The following DGKI variants were observed in gnomAD, a reference collection of about 807,000 sequenced individuals.
DGKI encodes the protein DAG kinase iota.
A neutral mutation model predicts 147.5 loss-of-function variants in DGKI; 55 were observed. The ratio of observed to expected loss-of-function variants is 0.37; its 90% confidence interval spans 0.30 to 0.47. The LOEUF is 0.47. Ranked by LOEUF, DGKI falls within the 20% of genes least tolerant of loss-of-function variation. The probability of loss-of-function intolerance (pLI) is 1.00; values close to 1 mark genes in which losing one functional copy is unlikely to be tolerated. For synonymous variants in DGKI, 469 were observed against 477.1 expected, an observed-to-expected ratio of 0.98 and a Z score of 0.22; for missense variants, 1,007 against 1,323.8, an observed-to-expected ratio of 0.76 and a Z score of 3.71.
chr7:137,614,055 T>G (rs1177216317), intron 8 of DGKI, among the ~76,000 whole-genome samples: 1 of 152,186 alleles, frequency 6.6e-6, no homozygotes, highest in East Asian at 1.9e-4. Context: ...GGGAGCATAT[T>G]TATATATTAC....
In DGKI at chr7:137,572,799, T is replaced by G; in HGVS notation, c.1801A>C (p.Lys601Gln). 1 of 1,612,336 alleles carries G rather than the reference T, an allele frequency of 6.2e-7. No individual in the cohort carries two copies. The change falls in exon 18 of 33, where the codon AAG becomes CAG. Residue 601 changes from lysine to glutamine, a missense_variant. Physicochemically the swap from Lys to Gln is moderately conservative, Grantham distance 53 (BLOSUM62 1). Transcript: ENST00000614521. ...TDLTPKIQEL[K>Q]FQCIVFLNIP... ...TTTAAAAATACTATACACTGGAACT[T>G]CAGTTCCTGAATCTTTGGGGTGAGA... is the stretch of plus-strand genomic sequence containing the variant.
chr7:137,478,811 C>T (rs995198405), intron 23 of DGKI, among the ~76,000 whole-genome samples: 2 of 152,150 alleles, frequency 1.3e-5, no homozygotes, highest in Non-Finnish European at 2.9e-5. Context: ...GCGATGTTCT[C>T]ATCACTACAC....
chr7:137,693,537 C>T (rs1823682004), intron 1 of DGKI, among the ~76,000 whole-genome samples: 1 of 152,174 alleles, frequency 6.6e-6, no homozygotes, highest in African/African-American at 2.4e-5. Context: ...AGCCATTATA[C>T]ATTTTAAGTA....
At chr7:137,569,525 G>A (rs865795968) in intron 19 of DGKI, among the ~76,000 whole-genome samples, 8 of 151,612 alleles carry the variant, frequency 5.3e-5, no homozygotes, top group Middle Eastern at 3.4e-3. Flanking sequence ...TCAGGAGATC[G>A]AGACCATCCT....
At chr7:137,407,603 A>G (rs1812004941) in intron 30 of DGKI, among the ~76,000 whole-genome samples, 1 of 152,088 alleles carries the variant, frequency 6.6e-6, no homozygotes. Flanking sequence ...TTTGTCCTCT[A>G]TTTAAAAAAA....
intron 32 of DGKI, among the ~76,000 whole-genome samples, chr7:137,393,198 T>C (rs1275386490): frequency 6.8e-6 from 1 of 146,452 alleles, no homozygotes; most frequent in Non-Finnish European, 1.5e-5. Context: ...TGTGAGGGGT[T>C]TATAATTATA....
chr7:137,649,773 G>A lies in DGKI; in HGVS notation c.739-4236C>T, dbSNP rs1016803319. On this transcript the variant is annotated intron_variant, in intron 5 of 32. Coordinates refer to ENST00000614521, the MANE Select transcript of DGKI (RefSeq NM_001321708.2). ...GAAATAAAAAATTTTATATATATAT[G>A]TATATATATATATATATATTTCATA... 5.6e-5 allele frequency among the ~76,000 whole-genome samples: 8 copies of A among 142,060 alleles called. No homozygotes were observed. In the East Asian group the frequency reaches 8.1e-4, roughly 14 times the overall value. The allele number at this position is 142,060 out of a possible 152,430, so 93.2% of individuals were successfully genotyped here. A position where few individuals can be genotyped will look rare whatever the true frequency, so the allele number is the denominator to read the frequency against.
chr7:137,781,355 G>T (rs1473751423), intron 1 of DGKI, among the ~76,000 whole-genome samples: 1 of 152,150 alleles, frequency 6.6e-6, no homozygotes, highest in Non-Finnish European at 1.5e-5. Context: ...TTTGGGCAAA[G>T]AATACACAAA....
intron 1 of DGKI, among the ~76,000 whole-genome samples, chr7:137,798,031 T>C (rs1797086126): frequency 6.6e-6 from 1 of 152,090 alleles, no homozygotes; most frequent in African/African-American, 2.4e-5. Flanking sequence ...TCAGTACTGA[T>C]CTTACTGAAA....
chr7:137,818,347 C>A (rs1164757118), intron 1 of DGKI, among the ~76,000 whole-genome samples: 3 of 152,174 alleles, frequency 2.0e-5, no homozygotes, highest in Non-Finnish European at 4.4e-5. Context: ...CTCAAGTGGA[C>A]CATTAAGCTT....
At chr7:137,771,321 C>A (rs1240904405) in intron 1 of DGKI, among the ~76,000 whole-genome samples, 1 of 152,076 alleles carries the variant, frequency 6.6e-6, no homozygotes, top group Non-Finnish European at 1.5e-5. Context: ...AAACTCCGGA[C>A]CTCAGGTGAT....
At position 137,632,858 on chromosome 7, in the gene DGKI, CAAAT is replaced by C. The variant is rs538444514; in HGVS notation, c.805-9308_805-9305del. 2.6e-4 allele frequency among the ~76,000 whole-genome samples: 38 copies of C among 146,906 alleles called. 1 individual carries two copies. The South Asian group carries it at 5.1e-3, about 20-fold the overall frequency. On this transcript the variant is annotated intron_variant, in intron 6 of 32. Coordinates refer to ENST00000614521, the MANE Select transcript of DGKI (RefSeq NM_001321708.2). Reference sequence around the variant, plus strand: ...TGGGTGACAAAACAAGACTCTGTCTCAAATAAATAAACAAACAAACAAACAAACA... The same window carrying C: ...TGGGTGACAAAACAAGACTCTGTCTCAAATAAACAAACAAACAAACAAACA...
intron 1 of DGKI, among the ~76,000 whole-genome samples, chr7:137,820,882 GT>G (rs1278902558): frequency 6.6e-6 from 1 of 152,170 alleles, no homozygotes; most frequent in South Asian, 2.1e-4. Flanking sequence ...TTGCTAAAGG[GT>G]GAGGAGTCTC....
chr7:137,469,530 G>T lies in DGKI; in HGVS notation c.2443+20C>A. 4 of 1,612,810 alleles carry T rather than the reference G, an allele frequency of 2.5e-6. No individual in the cohort carries two copies. Among genetic ancestry groups the T allele is most frequent in the Non-Finnish European group, 3.4e-6 (4 of 1,179,154 alleles). On this transcript the variant is annotated intron_variant, in intron 24 of 32. Transcript: ENST00000614521. ...AACTTCCCCAACTCCCACGATACCC[G>T]CAAGAAAGGCAGAACTCACCATCTA...
intron 27 of DGKI, among the ~76,000 whole-genome samples, chr7:137,459,344 G>A (rs1814327626): frequency 6.6e-6 from 1 of 151,972 alleles, no homozygotes; most frequent in African/African-American, 2.4e-5. Context: ...TGCCCTGGGT[G>A]CCTTGGAGGA....
chr7:137,652,304 C>A (rs1585330489), intron 5 of DGKI, among the ~76,000 whole-genome samples: 1 of 152,084 alleles, frequency 6.6e-6, no homozygotes, highest in African/African-American at 2.4e-5. Context: ...CTAATGAAAA[C>A]CAAAAGCATC....
At chr7:137,835,468 A>T (rs1203353676) in intron 1 of DGKI, among the ~76,000 whole-genome samples, 2 of 152,166 alleles carry the variant, frequency 1.3e-5, no homozygotes, top group Non-Finnish European at 2.9e-5. Flanking sequence ...TAAAAATGAA[A>T]TACTATTCTT....
chr7:137,625,285 C>G (rs1035051135), intron 6 of DGKI, among the ~76,000 whole-genome samples: 3 of 151,434 alleles, frequency 2.0e-5, no homozygotes, highest in African/African-American at 4.9e-5. Flanking sequence ...CATGGGGAAA[C>G]CCCGTCTGTA....
At chr7:137,409,087 A>G (rs1323909277) in intron 29 of DGKI, among the ~76,000 whole-genome samples, 1 of 152,210 alleles carries the variant, frequency 6.6e-6, no homozygotes, top group African/African-American at 2.4e-5. Context: ...AATAGTTTTA[A>G]ATAGCTAGAA....
Sources: allele counts gnomAD v4.1 joint callset (sites outside exome capture counted in the v4.1 genomes callset), GRCh38; gene constraint gnomAD v4.1.1; transcripts MANE v1.5; gene names NCBI Gene and HGNC (gene_info 2026-07-23, HGNC 2026-07-21).